Variants in ADGRG7 observed in about 807,000 individuals in gnomAD.
ADGRG7 encodes the protein adhesion G protein-coupled receptor G7.
ADGRG7 carries 82 observed loss-of-function variants against 88.6 expected under a neutral mutation model. That is an observed-to-expected ratio of 0.93 (90% confidence interval 0.77 to 1.11). The LOEUF is 1.11. ADGRG7 is among the 50% of genes most tolerant of loss of function. The pLI is 0.00. For synonymous variants in ADGRG7, 381 were observed against 345.2 expected (o/e 1.10, Z -1.15); for missense variants, 945 against 953.4 (o/e 0.99, Z 0.12).
chr3:100,687,106 C>A (rs1389605926), intron 15 of ADGRG7, among the ~76,000 whole-genome samples: 72 of 152,200 alleles, frequency 4.7e-4, no homozygotes, highest in African/African-American at 1.6e-3. Context: ...ATCCCTTGTA[C>A]ATTAGATTCC....
In ADGRG7 at chr3:100,691,649, T is replaced by G. The variant is rs180948059; in HGVS notation, c.2137-3095T>G. Among the ~76,000 whole-genome samples the G allele has an allele frequency of 7.9e-5, 12 of 151,858 alleles. No homozygotes were observed. The East Asian group carries it at 2.3e-3, about 29-fold the overall frequency. On this transcript the variant is annotated intron_variant, in intron 15 of 15. Transcript: ENST00000273352. ...TCCCATGATCATATCTTATGTTACTTTAATACATTATCAAAATGACATTGA... is the reference window on the plus strand; with the variant it reads ...TCCCATGATCATATCTTATGTTACTGTAATACATTATCAAAATGACATTGA...
chr3:100,662,599 A>T (rs149782015), intron 14 of ADGRG7, among the ~76,000 whole-genome samples: 2,973 of 152,180 alleles, frequency 0.02, 89 homozygotes, highest in Admixed American at 0.082. Context: ...AACCACACTA[A>T]ATAATACTGT....
chr3:100,657,143 TG>T (rs2094938748), intron 13 of ADGRG7, among the ~76,000 whole-genome samples: 1 of 152,090 alleles, frequency 6.6e-6, no homozygotes, highest in Non-Finnish European at 1.5e-5. Context: ...TGTTAGTTGT[TG>T]GGGAAGATAC....
In ADGRG7 at chr3:100,633,285, C is replaced by T. The variant is rs369393091; in HGVS notation, c.355C>T (p.Arg119Trp). ...TPNAGNPMAV[R>W]LCSLSLYGEI... ...TAAAGCGGGCAATCCAATGGCAGTC[C>T]GGTTGTGCAGTCTCTCTCTATATGG... is the stretch of plus-strand genomic sequence containing the variant. Residue 119 changes from arginine to tryptophan, a missense_variant, in exon 4 of 16, where the codon CGG (arginine) becomes TGG (tryptophan). Physicochemically the swap from Arg to Trp is moderately radical, Grantham distance 101. Transcript: ENST00000273352. 4.8e-5 allele frequency: 71 copies of T among 1,489,736 alleles called. No homozygotes were observed. The highest frequency in any genetic ancestry group is 1.0e-4 in the Admixed American group (5 of 48,668). 92.3% of individuals were successfully genotyped at this position (1,489,736 alleles called of 1,614,324 possible).
At chr3:100,681,889 C>T (rs1143781) in intron 15 of ADGRG7, among the ~76,000 whole-genome samples, 78,161 of 151,926 alleles carry the variant, frequency 0.51, 21,337 homozygotes, top group Middle Eastern at 0.66. Flanking sequence ...GGAAAGGAGC[C>T]CCTTTTTGAA....
At position 100,616,690 on chromosome 3, in the gene ADGRG7, G is replaced by A. The variant is rs138291619; in HGVS notation, c.115+6719G>A. Reference sequence around the variant, plus strand: ...TTCAAAAATAACCAGGCGTAGTGGCGCCTGCCTGTAGTCTCAGCTACTGGG... The same window carrying A: ...TTCAAAAATAACCAGGCGTAGTGGCACCTGCCTGTAGTCTCAGCTACTGGG... On this transcript the variant is annotated intron_variant, in intron 1 of 15. Coordinates refer to ENST00000273352, the MANE Select transcript of ADGRG7 (RefSeq NM_032787.3). 7.6e-4 allele frequency among the ~76,000 whole-genome samples: 116 copies of A among 152,204 alleles called. 1 individual carries two copies. The highest frequency in any genetic ancestry group is 2.6e-3 in the African/African-American group (108 of 41,532).
At chr3:100,667,612 T>C (rs1344861282) in intron 14 of ADGRG7, among the ~76,000 whole-genome samples, 2 of 152,242 alleles carry the variant, frequency 1.3e-5, no homozygotes, top group African/African-American at 4.8e-5. Context: ...GTGTTTGCTA[T>C]TGTGAATAGT....
At chr3:100,680,859 G>A (rs2094972485) in intron 15 of ADGRG7, among the ~76,000 whole-genome samples, 1 of 152,152 alleles carries the variant, frequency 6.6e-6, no homozygotes, top group Non-Finnish European at 1.5e-5. Context: ...AATTAAGAGA[G>A]AAGAATTTTT....
chr3:100,672,604 T>G (rs2094960166), intron 15 of ADGRG7, among the ~76,000 whole-genome samples: 1 of 152,026 alleles, frequency 6.6e-6, no homozygotes, highest in African/African-American at 2.4e-5. Flanking sequence ...TGAATAGGAG[T>G]GGTGAGAGAG....
intron 15 of ADGRG7, among the ~76,000 whole-genome samples, chr3:100,679,684 G>T (rs967113738): frequency 6.6e-6 from 1 of 152,176 alleles, no homozygotes; most frequent in Non-Finnish European, 1.5e-5. Flanking sequence ...TAGCAATAGA[G>T]TTGGACCACT....
At chr3:100,649,251 C>G (rs1337795959) in intron 10 of ADGRG7, among the ~76,000 whole-genome samples, 1 of 152,142 alleles carries the variant, frequency 6.6e-6, no homozygotes, top group Non-Finnish European at 1.5e-5. Flanking sequence ...AAAAAGTCTG[C>G]CCTCCACATT....
chr3:100,692,675 A>C (rs2094995945), intron 15 of ADGRG7, among the ~76,000 whole-genome samples: 1 of 152,218 alleles, frequency 6.6e-6, no homozygotes, highest in African/African-American at 2.4e-5. Context: ...TTATAGGAAA[A>C]TCACATAACC....
chr3:100,664,816 A>G lies in ADGRG7; in HGVS notation c.1980-4133A>G, dbSNP rs544490867. ...TTAGTCACAAGAGTGCAAAAAGTCCATGGAGAAAAGTAATCCACCGAATAA... is the reference window on the plus strand; with the variant it reads ...TTAGTCACAAGAGTGCAAAAAGTCCGTGGAGAAAAGTAATCCACCGAATAA... On this transcript the variant is annotated intron_variant, in intron 14 of 15. Coordinates refer to ENST00000273352, the MANE Select transcript of ADGRG7 (RefSeq NM_032787.3). Among the ~76,000 whole-genome samples, 341 of 152,316 alleles carry G rather than the reference A, an allele frequency of 2.2e-3. 2 individuals are homozygous for G. Among genetic ancestry groups the G allele is most frequent in the African/African-American group, 7.9e-3 (327 of 41,570 alleles).
intron 15 of ADGRG7, among the ~76,000 whole-genome samples, chr3:100,687,757 T>C (rs886119654): frequency 2.0e-5 from 3 of 152,240 alleles, no homozygotes; most frequent in African/African-American, 7.2e-5. Context: ...AGCTTTCTGA[T>C]GTGCTGCTGG....
chr3:100,634,669 C>A (rs1364158322), intron 4 of ADGRG7, among the ~76,000 whole-genome samples: 2 of 152,256 alleles, frequency 1.3e-5, no homozygotes, highest in Middle Eastern at 3.4e-3. Context: ...GTTGTGCCAA[C>A]CCACAGATTG....
intron 2 of ADGRG7, among the ~76,000 whole-genome samples, chr3:100,630,248 C>T (rs557681257): frequency 1.2e-4 from 18 of 152,188 alleles, no homozygotes; most frequent in African/African-American, 2.9e-4. Flanking sequence ...TTCCCAACAC[C>T]GTACACTTCA....
intron 8 of ADGRG7, among the ~76,000 whole-genome samples, chr3:100,643,920 G>A (rs1707691685): frequency 6.6e-6 from 1 of 152,126 alleles, no homozygotes; most frequent in African/African-American, 2.4e-5. Context: ...TCTTGCTAAG[G>A]TGGTTCTGTT....
At chr3:100,616,626 C>T (rs954806192) in intron 1 of ADGRG7, among the ~76,000 whole-genome samples, 12 of 152,082 alleles carry the variant, frequency 7.9e-5, no homozygotes, top group African/African-American at 2.7e-4. Flanking sequence ...GCCTTGGCAA[C>T]GTAGCAAGAC....
At chr3:100,632,950 A>G (rs1410694408) in intron 3 of ADGRG7, among the ~76,000 whole-genome samples, 2 of 152,184 alleles carry the variant, frequency 1.3e-5, no homozygotes, top group African/African-American at 4.8e-5. Context: ...ATAATTCAGT[A>G]TCTATTAGGA....
Sources: gnomAD v4.1 joint callset for allele counts (sites outside exome capture counted in the v4.1 genomes callset) on GRCh38, gnomAD v4.1.1 for gene constraint, MANE v1.5 for transcripts, NCBI Gene and HGNC (gene_info 2026-07-23, HGNC 2026-07-21) for gene names.